The following DPYD variants were observed in gnomAD, a reference collection of about 807,000 sequenced individuals.
DPYD encodes the protein dihydropyrimidine dehydrogenase [NADP(+)].
In DPYD, 109 loss-of-function variants were observed where a neutral mutation model predicts 116.2. The ratio of observed to expected loss-of-function variants is 0.94; its 90% CI spans 0.80 to 1.10. The LOEUF is 1.10. Ranked by LOEUF, DPYD falls within the 50% of genes least tolerant of loss-of-function variation. The probability of loss-of-function intolerance (pLI) is 0.00; values close to 1 mark genes in which losing one functional copy is unlikely to be tolerated. For missense variants in DPYD, 1,302 were observed against 1,254.5 expected, an observed-to-expected ratio of 1.04 and a Z score of -0.57; for synonymous variants, 440 against 432.0, an observed-to-expected ratio of 1.02 and a Z score of -0.23.
intron 13 of DPYD, among the ~76,000 whole-genome samples, chr1:97,480,662 T>C (rs1235614629): frequency 6.6e-6 from 1 of 152,210 alleles, no homozygotes; most frequent in East Asian, 1.9e-4. Flanking sequence ...TTTACTTTTC[T>C]AGAAGTGAAG....
At position 97,294,654 on chromosome 1, in the gene DPYD, C is replaced by A. The variant is rs137932830; in HGVS notation, c.2299+10605G>T. Reference sequence around the variant, plus strand: ...GAAGGACATCCAAAGTTGCTCTTGGCATCACAGTTAGACTGAGTGCTCAGA... The same window carrying A: ...GAAGGACATCCAAAGTTGCTCTTGGAATCACAGTTAGACTGAGTGCTCAGA... On this transcript the variant is annotated intron_variant, in intron 18 of 22. Coordinates refer to ENST00000370192, the MANE Select transcript of DPYD (RefSeq NM_000110.4). Among the ~76,000 whole-genome samples, 361 of 152,320 alleles carry A rather than the reference C, an allele frequency of 2.4e-3. 1 individual carries two copies. Among genetic ancestry groups the A allele is most frequent in the Non-Finnish European group, 4.1e-3 (280 of 68,030 alleles).
intron 13 of DPYD, among the ~76,000 whole-genome samples, chr1:97,458,239 T>C (rs1303216628): frequency 6.6e-6 from 1 of 152,154 alleles, no homozygotes; most frequent in East Asian, 1.9e-4. Context: ...AAAACTTGTG[T>C]AAATCTCTGG....
chr1:97,360,507 C>T (rs1670663302), intron 16 of DPYD, among the ~76,000 whole-genome samples: 3 of 152,196 alleles, frequency 2.0e-5, no homozygotes, highest in Non-Finnish European at 4.4e-5. Context: ...ATACATTCTT[C>T]TCAGCACCAC....
At chr1:97,626,790 A>C (rs908305508) in intron 8 of DPYD, among the ~76,000 whole-genome samples, 1 of 152,120 alleles carries the variant, frequency 6.6e-6, no homozygotes, top group Non-Finnish European at 1.5e-5. Flanking sequence ...TTACATGCTA[A>C]GTATTTTCTC....
intron 2 of DPYD, among the ~76,000 whole-genome samples, chr1:97,834,098 G>A (rs1401720554): frequency 6.6e-6 from 1 of 151,932 alleles, no homozygotes; most frequent in Non-Finnish European, 1.5e-5. Flanking sequence ...GCTTAGAAAC[G>A]GAAGTTACAA....
At chr1:97,148,080 A>G (rs1279392294) in intron 20 of DPYD, among the ~76,000 whole-genome samples, 2 of 152,116 alleles carry the variant, frequency 1.3e-5, no homozygotes, top group African/African-American at 4.8e-5. Context: ...GAATTATGGA[A>G]GCCTGCAACT....
intron 13 of DPYD, among the ~76,000 whole-genome samples, chr1:97,458,925 G>GT (rs1415873547): frequency 6.6e-6 from 1 of 152,068 alleles, no homozygotes; most frequent in East Asian, 1.9e-4. Flanking sequence ...TTCAAGGAAT[G>GT]TGAGCCCACA....
chr1:97,540,365 AACAAAACAAAAC>A (rs1430550038), intron 12 of DPYD, among the ~76,000 whole-genome samples: 4 of 99,688 alleles, frequency 4.0e-5, no homozygotes, highest in Non-Finnish European at 8.7e-5. Flanking sequence ...CAGGGAACAA[AACAAAACAAAAC>A]AAAACAAAAC....
At chr1:97,578,181 G>A (rs555759572) in intron 10 of DPYD, among the ~76,000 whole-genome samples, 1 of 152,102 alleles carries the variant, frequency 6.6e-6, no homozygotes, top group South Asian at 2.1e-4. Context: ...AATAATAATG[G>A]TAATAAGTAT....
intron 16 of DPYD, among the ~76,000 whole-genome samples, chr1:97,314,988 G>A (rs779398430): frequency 4.6e-5 from 7 of 152,006 alleles, no homozygotes; most frequent in South Asian, 2.1e-4. Flanking sequence ...AATGGAAGCA[G>A]GGCTCAGACC....
intron 3 of DPYD, among the ~76,000 whole-genome samples, chr1:97,783,580 GGGGTTTCACCAT>G (rs996382017): frequency 1.2e-4 from 18 of 151,822 alleles, no homozygotes; most frequent in African/African-American, 4.3e-4. Flanking sequence ...TTTTAGAGAT[GGGGTTTCACCAT>G]GTTGGCCAAG....
intron 20 of DPYD, among the ~76,000 whole-genome samples, chr1:97,176,207 G>A (rs891769610): frequency 2.6e-5 from 4 of 152,176 alleles, no homozygotes; most frequent in African/African-American, 9.7e-5. Context: ...CAGAAAAGTG[G>A]GGGGAGAGTG....
chr1:97,480,878 G>A (rs1199677537), intron 13 of DPYD, among the ~76,000 whole-genome samples: 3 of 152,096 alleles, frequency 2.0e-5, no homozygotes, highest in Non-Finnish European at 4.4e-5. Context: ...TGCTTGAGAA[G>A]CTGAGGTAGG....
At chr1:97,237,787 A>G (rs1260946538) in intron 18 of DPYD, among the ~76,000 whole-genome samples, 1 of 152,164 alleles carries the variant, frequency 6.6e-6, no homozygotes, top group Non-Finnish European at 1.5e-5. Flanking sequence ...TACCAACCCA[A>G]TGGCTTCTTT....
rs188949856 is a variant in DPYD, at chr1:97,352,241, A to C, written c.2058+21320T>G. Among the ~76,000 whole-genome samples, 401 of 152,348 alleles carry C rather than the reference A, an allele frequency of 2.6e-3. 3 individuals are homozygous for C. Among genetic ancestry groups the C allele is most frequent in the African/African-American group, 9.4e-3 (392 of 41,580 alleles). On this transcript the variant is annotated intron_variant, in intron 16 of 22. Coordinates refer to ENST00000370192, the MANE Select transcript of DPYD (RefSeq NM_000110.4). ...GGCGTGTCCACACAAAGAGGAAAGAAAAATTGGGAATGATGGACATAACCA... is the reference window on the plus strand; with the variant it reads ...GGCGTGTCCACACAAAGAGGAAAGACAAATTGGGAATGATGGACATAACCA...
chr1:97,341,996 C>G (rs1039840513), intron 16 of DPYD, among the ~76,000 whole-genome samples: 1 of 152,138 alleles, frequency 6.6e-6, no homozygotes, highest in Non-Finnish European at 1.5e-5. Flanking sequence ...GGTAGCTGAT[C>G]TGACGAAGTT....
intron 4 of DPYD, among the ~76,000 whole-genome samples, chr1:97,734,273 A>C (rs2101055140): frequency 6.6e-6 from 1 of 152,240 alleles, no homozygotes; most frequent in East Asian, 1.9e-4. Context: ...ATTATTCCAG[A>C]TCTACTTATT....
chr1:97,272,192 T>C (rs1307408234), intron 18 of DPYD, among the ~76,000 whole-genome samples: 1 of 152,164 alleles, frequency 6.6e-6, no homozygotes, highest in Non-Finnish European at 1.5e-5. Flanking sequence ...TTTTAAAACA[T>C]ATTTTCTGGC....
At chr1:97,575,841 T>C (rs1052844341) in intron 10 of DPYD, among the ~76,000 whole-genome samples, 3 of 152,180 alleles carry the variant, frequency 2.0e-5, no homozygotes, top group Non-Finnish European at 2.9e-5. Flanking sequence ...AACTCCAAAA[T>C]GTAAAATGCC....
Sources: allele counts gnomAD v4.1 joint callset (sites outside exome capture counted in the v4.1 genomes callset), GRCh38; gene constraint gnomAD v4.1.1; transcripts MANE v1.5; gene names NCBI Gene and HGNC (gene_info 2026-07-23, HGNC 2026-07-21).